HIBCH: variants seen among roughly 807,000 people sequenced by gnomAD.
The protein encoded by HIBCH is 3-hydroxyisobutyryl-CoA hydrolase.
Under a neutral mutation model 58.2 loss-of-function variants are expected in HIBCH, and 50 were observed. The observed-to-expected ratio is 0.86, with a 90% confidence interval of 0.68 to 1.09. The LOEUF (loss-of-function observed/expected upper bound fraction) is 1.09, where lower values mean the gene tolerates loss of function less well. Ranked by LOEUF, HIBCH falls within the 50% of genes least tolerant of loss-of-function variation. The probability of loss-of-function intolerance (pLI) is 0.00; values close to 1 mark genes in which losing one functional copy is unlikely to be tolerated. For missense variants in HIBCH, 450 were observed against 449.7 expected (o/e 1.00, Z -0.01); for synonymous variants, 151 against 146.9 (o/e 1.03, Z -0.20).
chr2:190,285,657 A>G (rs1033230459), intron 6 of HIBCH, among the ~76,000 whole-genome samples: 4 of 150,046 alleles, frequency 2.7e-5, no homozygotes, highest in Non-Finnish European at 5.9e-5. Context: ...TTTTGGCCTC[A>G]TACTACCTAC....
rs115673902 is a variant in HIBCH at position 190,315,571 on chromosome 2, G to A, written c.35+4145C>T. On this transcript the variant is annotated intron_variant, in intron 1 of 13. Coordinates refer to ENST00000359678, the MANE Select transcript of HIBCH (RefSeq NM_014362.4). The surrounding 1 kb of genome is among the most constrained non-coding windows in gnomAD (Gnocchi z 5.4). ...TCCAATAAAACAAACATGGCCTCAC[G>A]AAATTAAACAACTACATGAAACTGC... is the stretch of plus-strand genomic sequence containing the variant. Among the ~76,000 whole-genome samples, 2,742 of 152,242 alleles carry A rather than the reference G, an allele frequency of 0.018. 89 individuals carry two copies. Among genetic ancestry groups the A allele is most frequent in the African/African-American group, 0.062 (2,576 of 41,540 alleles).
At chr2:190,223,837 G>C (rs146419324) in intron 11 of HIBCH, among the ~76,000 whole-genome samples, 2 of 152,372 alleles carry the variant, frequency 1.3e-5, no homozygotes, top group African/African-American at 4.8e-5. Flanking sequence ...AGCTCCCAGA[G>C]TGAGCAATGT....
chr2:190,280,246 C>G (rs960244634), intron 6 of HIBCH, among the ~76,000 whole-genome samples: 1 of 152,180 alleles, frequency 6.6e-6, no homozygotes, highest in Non-Finnish European at 1.5e-5. Flanking sequence ...CATTCCATGT[C>G]TGAATCCTGT....
At position 190,305,391 on chromosome 2, in the gene HIBCH, T is replaced by G. The variant is rs554913830; in HGVS notation, c.78+5363A>C. On this transcript the variant is annotated intron_variant, in intron 2 of 13. Transcript: ENST00000359678. ...TGCTAGGGAAGGAACTATCCTAGGCTTCTTTTCTGGCTTCGGATAGTTCTC... is the reference window on the plus strand; with the variant it reads ...TGCTAGGGAAGGAACTATCCTAGGCGTCTTTTCTGGCTTCGGATAGTTCTC... Among the ~76,000 whole-genome samples the G allele has an allele frequency of 3.9e-5, 6 of 152,292 alleles. No individual in the cohort carries two copies. The East Asian group carries it at 1.2e-3, about 29-fold the overall frequency.
chr2:190,208,640 G>C lies in HIBCH; in HGVS notation c.1045+240C>G, dbSNP rs1690449156. 1.3e-5 allele frequency: 7 copies of C among 559,152 alleles called. No individual in the cohort carries two copies. The South Asian group carries it at 1.5e-4, about 12-fold the overall frequency. The allele number at this position is 559,152 out of a possible 1,614,324, so 34.6% of individuals were successfully genotyped here. A position where few individuals can be genotyped will look rare whatever the true frequency, so the allele number is the denominator to read the frequency against. ...AGGTTGAGTATTCTTTATCTGGAAT[G>C]CTTGGGATCAGAAGTGTTTCAGGTT... On this transcript the variant is annotated intron_variant, in intron 13 of 13. Transcript: ENST00000359678.
chr2:190,313,853 C>G (rs1317687930), intron 1 of HIBCH, among the ~76,000 whole-genome samples: 1 of 152,052 alleles, frequency 6.6e-6, no homozygotes, highest in African/African-American at 2.4e-5. Flanking sequence ...AGTGACAGAT[C>G]ATATCTTATT....
chr2:190,296,201 A>C (rs1688099812), intron 3 of HIBCH, among the ~76,000 whole-genome samples: 1 of 152,168 alleles, frequency 6.6e-6, no homozygotes, highest in Non-Finnish European at 1.5e-5. Context: ...CAGATAGATC[A>C]CAAAGTCAGG....
intron 11 of HIBCH, among the ~76,000 whole-genome samples, chr2:190,221,264 G>C (rs570756274): frequency 3.3e-5 from 5 of 152,128 alleles, no homozygotes; most frequent in African/African-American, 9.7e-5. Flanking sequence ...AGAGTGCTGG[G>C]TTAGAATCCT....
intron 1 of HIBCH, among the ~76,000 whole-genome samples, chr2:190,196,921 TATCA>T (rs1276443635): frequency 1.4e-4 from 21 of 152,280 alleles, no homozygotes; most frequent in African/African-American, 4.8e-4. Context: ...ACTGGGTGTT[TATCA>T]ATCAGTCACA....
chr2:190,259,749 G>A (rs1687034670), intron 7 of HIBCH, among the ~76,000 whole-genome samples: 1 of 152,132 alleles, frequency 6.6e-6, no homozygotes, highest in Admixed American at 6.5e-5. Flanking sequence ...TTTTACTGGA[G>A]CTGTTGGAGT....
Position 190,319,761 on chromosome 2 carries a change from T to G in HIBCH, c.-11A>C. On this transcript the variant is annotated 5_prime_UTR_variant, in exon 1 of 14. Coordinates refer to ENST00000359678, the MANE Select transcript of HIBCH (RefSeq NM_014362.4). ...CTCGCGCTGCCCCATCGCCAAACACTCCGAAGCTAAAGCAGCAGAGCGAGA... is the reference window on the plus strand; with the variant it reads ...CTCGCGCTGCCCCATCGCCAAACACGCCGAAGCTAAAGCAGCAGAGCGAGA... 1 of 1,610,826 alleles carries G rather than the reference T, an allele frequency of 6.2e-7. No homozygotes were observed. Among genetic ancestry groups the G allele is most frequent in the Non-Finnish European group, 8.5e-7 (1 of 1,178,776 alleles).
chr2:190,309,307 G>C (rs953180108), intron 2 of HIBCH, among the ~76,000 whole-genome samples: 1 of 151,980 alleles, frequency 6.6e-6, no homozygotes, highest in Non-Finnish European at 1.5e-5. Flanking sequence ...TACCCCAGAG[G>C]ACTATCATGA....
chr2:190,249,078 C>T (rs1686690949), intron 9 of HIBCH, among the ~76,000 whole-genome samples: 1 of 152,034 alleles, frequency 6.6e-6, no homozygotes, highest in South Asian at 2.1e-4. Flanking sequence ...TCATGTCTGC[C>T]ACTGTCTCCT....
intron 6 of HIBCH, among the ~76,000 whole-genome samples, chr2:190,282,795 T>C (rs1687737079): frequency 6.6e-6 from 1 of 151,714 alleles, no homozygotes; most frequent in African/African-American, 2.4e-5. Context: ...GGTATAATTG[T>C]TTAAAAATTT....
In HIBCH at chr2:190,310,813, AAACAATG is replaced by A. The variant is rs1688537193; in HGVS notation, c.36-24_36-18del. On this transcript the variant is annotated intron_variant, in intron 1 of 13. Coordinates refer to ENST00000359678, the MANE Select transcript of HIBCH (RefSeq NM_014362.4). The stretch of plus-strand genomic sequence containing the variant: ...GCATTAAACCTGAAACAAATGTGGA[AAACAATG>A]AGAACAGTAATGTGGGTAGTCATGT... The A allele has an allele frequency of 6.4e-7, 1 of 1,570,184 alleles. No individual in the cohort carries two copies. The highest frequency in any genetic ancestry group is 8.8e-7 in the Non-Finnish European group (1 of 1,140,022).
chr2:190,191,247 A>C (rs1689695695), intron 1 of HIBCH, among the ~76,000 whole-genome samples: 1 of 151,954 alleles, frequency 6.6e-6, no homozygotes, highest in Non-Finnish European at 1.5e-5. Flanking sequence ...GATTCAGGTG[A>C]TTCTCATGCC....
At chr2:190,232,631 T>C (rs551010552) in intron 11 of HIBCH, among the ~76,000 whole-genome samples, 2 of 152,336 alleles carry the variant, frequency 1.3e-5, no homozygotes, top group South Asian at 2.1e-4. Context: ...GCAGAAGCAA[T>C]TGTAGTTTTT....
intron 7 of HIBCH, among the ~76,000 whole-genome samples, chr2:190,259,356 T>C (rs1457945169): frequency 6.6e-6 from 1 of 150,864 alleles, no homozygotes; most frequent in African/African-American, 2.4e-5. Context: ...TGTGTGTGTG[T>C]GTGTGTGTGT....
intron 6 of HIBCH, among the ~76,000 whole-genome samples, chr2:190,272,521 C>T (rs1400791675): frequency 6.6e-6 from 1 of 152,080 alleles, no homozygotes; most frequent in Non-Finnish European, 1.5e-5. Flanking sequence ...ATGGTCAGGG[C>T]AGAAGGCCAG....
Sources: gnomAD v4.1 joint callset for allele counts (sites outside exome capture counted in the v4.1 genomes callset) on GRCh38, gnomAD v4.1.1 for gene constraint, Gnocchi (gnomAD v3.1) non-coding constraint, MANE v1.5 for transcripts, NCBI Gene and HGNC (gene_info 2026-07-23, HGNC 2026-07-21) for gene names.